P3H2: variants seen among roughly 807,000 people sequenced by gnomAD.
P3H2 encodes prolyl 3-hydroxylase 2.
In P3H2, 80 loss-of-function variants were observed where a neutral mutation model predicts 87.0. That is an observed-to-expected ratio of 0.92 (90% confidence interval 0.77 to 1.11). P3H2 has a LOEUF of 1.11. Among genes scored for constraint, P3H2 ranks in the 50% least tolerant of loss-of-function variants. P3H2 has a pLI of 0.00. For missense variants in P3H2, 1,001 were observed against 923.9 expected (o/e 1.08, Z -1.08); for synonymous variants, 367 against 359.3 (o/e 1.02, Z -0.24).
chr3:190,088,580 A>G (rs74507509), intron 1 of P3H2, among the ~76,000 whole-genome samples: 483 of 152,312 alleles, frequency 3.2e-3, no homozygotes, highest in South Asian at 0.01. Flanking sequence ...ATGGTACTTG[A>G]TAACTGAATT....
At chr3:190,028,730 C>T (rs2108945711) in intron 1 of P3H2, among the ~76,000 whole-genome samples, 1 of 152,358 alleles carries the variant, frequency 6.6e-6, no homozygotes, top group South Asian at 2.1e-4. Flanking sequence ...TGAATGGAGA[C>T]ACTCTATGTT....
intron 13 of P3H2, chr3:189,969,488 T>G (rs1046798742): frequency 1.0e-6 from 1 of 962,744 alleles, no homozygotes; most frequent in African/African-American, 1.6e-5. Context: ...ACTTCCATCA[T>G]AGAGGGACTG....
rs575907203 is a variant in P3H2 at position 189,972,413 on chromosome 3, C to T, written c.1700-406G>A. On this transcript the variant is annotated intron_variant, in intron 11 of 14. Coordinates refer to ENST00000319332, the MANE Select transcript of P3H2 (RefSeq NM_018192.4). ...TACTCCTATGACATCATTATTCCCC[C>T]CGCCCCATTCAGAGGGGCATAAGAC... Among the ~76,000 whole-genome samples the T allele has an allele frequency of 6.0e-4, 92 of 152,300 alleles. 1 individual carries two copies. In the South Asian group the frequency reaches 7.5e-3, roughly 12 times the overall value.
intron 1 of P3H2, among the ~76,000 whole-genome samples, chr3:190,017,366 A>G (rs9872069): frequency 6.6e-5 from 10 of 152,204 alleles, no homozygotes; most frequent in African/African-American, 2.4e-4. Context: ...CCCAGTTACA[A>G]AAGTTTGGGA....
chr3:190,038,878 TTAACTC>T (rs1325665265), intron 1 of P3H2, among the ~76,000 whole-genome samples: 3 of 152,320 alleles, frequency 2.0e-5, no homozygotes, highest in East Asian at 1.9e-4. Context: ...ATCCTACTCT[TTAACTC>T]TATGTTTAAG....
chr3:190,017,620 C>T (rs1724807748), intron 1 of P3H2, among the ~76,000 whole-genome samples: 2 of 152,202 alleles, frequency 1.3e-5, no homozygotes, highest in Admixed American at 1.3e-4. Context: ...TATGTGTTTG[C>T]CATCGAGCCA....
chr3:190,031,606 C>T lies in P3H2; in HGVS notation c.481-36164G>A, dbSNP rs140442972. 3.3e-3 allele frequency among the ~76,000 whole-genome samples: 492 copies of T among 150,454 alleles called. 2 individuals are homozygous for T. The highest frequency in any genetic ancestry group is 6.2e-3 in the Admixed American group (93 of 14,994). On this transcript the variant is annotated intron_variant, in intron 1 of 14. Transcript: ENST00000319332. Reference sequence around the variant, plus strand: ...GAGCCAAGATCACACCACTGCACTCCAGCCTCTGTGAGAAAGCGAGACTCC... The same window carrying T: ...GAGCCAAGATCACACCACTGCACTCTAGCCTCTGTGAGAAAGCGAGACTCC...
At chr3:190,041,186 C>T (rs1193218154) in intron 1 of P3H2, among the ~76,000 whole-genome samples, 1 of 137,954 alleles carries the variant, frequency 7.2e-6, no homozygotes, top group Non-Finnish European at 1.5e-5. Context: ...GTAGGAGGAT[C>T]ATTTGAGCCT....
rs1256956930 is a variant in P3H2 at position 190,066,158 on chromosome 3, T to TATATACACACACACAC, written c.480+54093_480+54094insGTGTGTGTGTGTATAT. On this transcript the variant is annotated intron_variant, in intron 1 of 14. Coordinates refer to ENST00000319332, the MANE Select transcript of P3H2 (RefSeq NM_018192.4). ...ACTGTGGTGTGTATATATATATATA[T>TATATACACACACACAC]ACACACACACACACACACACATATA... 2.9e-3 allele frequency among the ~76,000 whole-genome samples: 384 copies of TATATACACACACACAC among 134,508 alleles called. 8 individuals carry two copies. Among genetic ancestry groups the TATATACACACACACAC allele is most frequent in the African/African-American group, 0.011 (364 of 32,130 alleles). The allele number at this position is 134,508 out of a possible 152,430, so 88.2% of individuals were successfully genotyped here. A position where few individuals can be genotyped will look rare whatever the true frequency, so the allele number is the denominator to read the frequency against.
At chr3:189,966,633 T>C (rs1723016045) in intron 13 of P3H2, among the ~76,000 whole-genome samples, 1 of 152,238 alleles carries the variant, frequency 6.6e-6, no homozygotes, top group Non-Finnish European at 1.5e-5. Context: ...GATAAATGAT[T>C]ATAAACATAC....
intron 1 of P3H2, among the ~76,000 whole-genome samples, chr3:190,012,542 T>TCGTAATGAGTCTACACATCCAC: frequency 6.6e-6 from 1 of 152,290 alleles, no homozygotes; most frequent in East Asian, 1.9e-4. Context: ...CCTGATGAAT[T>TCGTAATGAGTCTACACATCCAC]TTGTCTCAGT....
chr3:190,059,033 G>C (rs1034701495), intron 1 of P3H2, among the ~76,000 whole-genome samples: 20 of 152,122 alleles, frequency 1.3e-4, no homozygotes, highest in Admixed American at 1.3e-3. Context: ...CCCCTTTCTC[G>C]ATCATTTTCT....
chr3:189,983,239 G>A, intron 7 of P3H2, 99 bp from the exon 8 acceptor site: 1 of 851,286 alleles, frequency 1.2e-6, no homozygotes, highest in South Asian at 1.5e-5. Context: ...TCTATATTGT[G>A]TATTTTATTG....
chr3:189,971,620 A>T (rs1394307384), intron 12 of P3H2: 7 of 415,902 alleles, frequency 1.7e-5, no homozygotes, highest in Admixed American at 1.1e-4. Flanking sequence ...GGAGAACAGG[A>T]ATTTTTTTAA....
chr3:190,074,218 T>C (rs1726794700), intron 1 of P3H2, among the ~76,000 whole-genome samples: 1 of 152,176 alleles, frequency 6.6e-6, no homozygotes, highest in South Asian at 2.1e-4. Context: ...TCTAGAATAC[T>C]ATGATTCTTG....
intron 1 of P3H2, among the ~76,000 whole-genome samples, chr3:190,037,591 T>A (rs1026811510): frequency 6.6e-6 from 1 of 151,840 alleles, no homozygotes; most frequent in African/African-American, 2.4e-5. Flanking sequence ...CTTATTAGCA[T>A]GACTCTCTGT....
intron 8 of P3H2, among the ~76,000 whole-genome samples, chr3:189,975,268 C>T (rs933552353): frequency 6.6e-6 from 1 of 152,128 alleles, no homozygotes; most frequent in African/African-American, 2.4e-5. Context: ...TTTCTATTTC[C>T]ACACAGGAGG....
chr3:190,012,241 T>TGTG, intron 1 of P3H2, among the ~76,000 whole-genome samples: 1 of 122,516 alleles, frequency 8.2e-6, no homozygotes. Flanking sequence ...TGTGTGTGTG[T>TGTG]AGTGGGGGGC....
intron 1 of P3H2, among the ~76,000 whole-genome samples, chr3:190,029,110 T>C (rs1725176394): frequency 6.6e-6 from 1 of 152,188 alleles, no homozygotes; most frequent in Non-Finnish European, 1.5e-5. Context: ...AAGACAATAT[T>C]TGATTATCTC....
Sources: allele counts gnomAD v4.1 joint callset (sites outside exome capture counted in the v4.1 genomes callset), GRCh38; gene constraint gnomAD v4.1.1; transcripts MANE v1.5; gene names NCBI Gene and HGNC (gene_info 2026-07-23, HGNC 2026-07-21).